NUDT3: variants seen among roughly 807,000 people sequenced by gnomAD.
NUDT3 encodes the protein diphosphoinositol polyphosphate phosphohydrolase 1.
A neutral mutation model predicts 23.6 loss-of-function variants in NUDT3; 9 were observed. The ratio of observed to expected loss-of-function variants is 0.38; its 90% CI spans 0.23 to 0.66. The LOEUF (loss-of-function observed/expected upper bound fraction) is 0.66, where lower values mean the gene tolerates loss of function less well. Among genes scored for constraint, NUDT3 ranks in the 30% least tolerant of loss-of-function variants. NUDT3 has a pLI of 0.52. For missense variants in NUDT3, 172 were observed against 218.5 expected (o/e 0.79, Z 1.34); for synonymous variants, 86 against 82.6 (o/e 1.04, Z -0.22).
chr6:34,385,222 C>A (rs1765085790), intron 1 of NUDT3, among the ~76,000 whole-genome samples: 1 of 151,694 alleles, frequency 6.6e-6, no homozygotes, highest in South Asian at 2.1e-4. Flanking sequence ...TTTGGGAGGC[C>A]AAGAAGGGAG....
At chr6:34,392,176 A>G (rs1765214829) in intron 1 of NUDT3, 88 bp downstream of exon 1, 9 of 1,010,006 alleles carry the variant, frequency 8.9e-6, no homozygotes, top group Non-Finnish European at 1.3e-5. Context: ...GCCCTGGCAC[A>G]CCCTCCTCCG....
At chr6:34,348,618 A>G (rs1764417989) in intron 1 of NUDT3, among the ~76,000 whole-genome samples, 1 of 152,000 alleles carries the variant, frequency 6.6e-6, no homozygotes, top group Admixed American at 6.6e-5. Flanking sequence ...TCTACTAAAA[A>G]TACAAAAATT....
chr6:34,346,471 T>A (rs1428372697), intron 1 of NUDT3, among the ~76,000 whole-genome samples: 1 of 152,306 alleles, frequency 6.6e-6, no homozygotes, highest in East Asian at 1.9e-4. Context: ...ACAGGAATAT[T>A]TCAAAGATAA....
chr6:34,292,522 A>G (rs1471291874), intron 4 of NUDT3, among the ~76,000 whole-genome samples: 3 of 152,204 alleles, frequency 2.0e-5, no homozygotes, highest in African/African-American at 7.2e-5. Context: ...CTTTGGGAGA[A>G]AGTTGGGTGT....
At chr6:34,289,197 C>G (rs1389651214) in intron 4 of NUDT3, among the ~76,000 whole-genome samples, 2 of 152,194 alleles carry the variant, frequency 1.3e-5, no homozygotes, top group Non-Finnish European at 2.9e-5. Flanking sequence ...TCCTCCTGCC[C>G]TCCTGCGTCT....
rs1291924487 is a variant in NUDT3, at chr6:34,380,115, C to T, written c.99+12149G>A. Among the ~76,000 whole-genome samples the T allele has an allele frequency of 3.9e-5, 6 of 151,978 alleles. No individual in the cohort carries two copies. The South Asian group carries it at 1.0e-3, about 26-fold the overall frequency. The stretch of plus-strand genomic sequence containing the variant: ...ATTTATTTTTTGAGACAAAGTTTCG[C>T]TCTTGTTGCCCAGACTGGAGTGCAA... On this transcript the variant is annotated intron_variant, in intron 1 of 4. Coordinates refer to ENST00000607016, the MANE Select transcript of NUDT3 (RefSeq NM_006703.4).
chr6:34,390,714 T>C (rs2113775381), intron 1 of NUDT3, among the ~76,000 whole-genome samples: 1 of 152,246 alleles, frequency 6.6e-6, no homozygotes, highest in African/African-American at 2.4e-5. Flanking sequence ...TAAATTATAC[T>C]TATAATTGGG....
At chr6:34,318,732 T>A (rs56139924) in intron 2 of NUDT3, among the ~76,000 whole-genome samples, 103 of 123,780 alleles carry the variant, frequency 8.3e-4, no homozygotes, top group African/African-American at 2.4e-3. Flanking sequence ...TTAAAAAAAA[T>A]TTTTTTTTTA....
At position 34,297,753 on chromosome 6, in the gene NUDT3, ATATATAATTT is replaced by A. The variant is rs1249925607; in HGVS notation, c.211-2078_211-2069del. ...AAAATATATATATATATATATATAT[ATATATAATTT>A]TTTTTTTTTTTTTAGTAGAGACGGG... On this transcript the variant is annotated intron_variant, in intron 2 of 4. Transcript: ENST00000607016. Among the ~76,000 whole-genome samples, 14 of 98,182 alleles carry A rather than the reference ATATATAATTT, an allele frequency of 1.4e-4. 1 individual carries two copies. Among genetic ancestry groups the A allele is most frequent in the African/African-American group, 6.3e-4 (13 of 20,664 alleles). The allele number at this position is 98,182 out of a possible 152,430, so 64.4% of individuals were successfully genotyped here. A position where few individuals can be genotyped will look rare whatever the true frequency, so the allele number is the denominator to read the frequency against.
rs58678278 is a variant in NUDT3 at position 34,321,336 on chromosome 6, G to A, written c.210+20526C>T. On this transcript the variant is annotated intron_variant, in intron 2 of 4. Coordinates refer to ENST00000607016, the MANE Select transcript of NUDT3 (RefSeq NM_006703.4). ...ACCTGTAATCCCAGCTACTCAAGAG[G>A]CTGAGACAGGAGAATCGCTTGAACC... Among the ~76,000 whole-genome samples the A allele has an allele frequency of 4.4e-3, 662 of 152,098 alleles. 4 individuals are homozygous for A. The highest frequency in any genetic ancestry group is 0.015 in the African/African-American group (625 of 41,474).
In NUDT3 at chr6:34,319,929, T is replaced by C. The variant is rs374232819; in HGVS notation, c.210+21933A>G. Among the ~76,000 whole-genome samples the C allele has an allele frequency of 9.2e-5, 14 of 152,264 alleles. No individual in the cohort carries two copies. In the East Asian group the frequency reaches 2.3e-3, roughly 25 times the overall value. ...CCTGAGGCCTAAAGTGCTCCAACAT[T>C]ATAACAAAAGACTGTTAACTCCAAA... On this transcript the variant is annotated intron_variant, in intron 2 of 4. Coordinates refer to ENST00000607016, the MANE Select transcript of NUDT3 (RefSeq NM_006703.4).
At chr6:34,349,958 C>T (rs1353392896) in intron 1 of NUDT3, among the ~76,000 whole-genome samples, 1 of 150,002 alleles carries the variant, frequency 6.7e-6, no homozygotes, top group Non-Finnish European at 1.5e-5. Context: ...GGCGTGGTAG[C>T]GGGTGCCTGT....
At chr6:34,320,022 C>T (rs950338960) in intron 2 of NUDT3, among the ~76,000 whole-genome samples, 1 of 152,160 alleles carries the variant, frequency 6.6e-6, no homozygotes, top group African/African-American at 2.4e-5. Flanking sequence ...AATATCACAA[C>T]AGTAAAGAGA....
At chr6:34,349,408 G>T (rs1266911512) in intron 1 of NUDT3, among the ~76,000 whole-genome samples, 2 of 141,092 alleles carry the variant, frequency 1.4e-5, no homozygotes, top group Non-Finnish European at 3.1e-5. Flanking sequence ...GCCTTCCAAG[G>T]AGAATATGGA....
In NUDT3 at chr6:34,309,072, C is replaced by G. The variant is rs181469882; in HGVS notation, c.211-13387G>C. Among the ~76,000 whole-genome samples, 292 of 152,222 alleles carry G rather than the reference C, an allele frequency of 1.9e-3. 1 individual carries two copies. The highest frequency in any genetic ancestry group is 4.0e-3 in the Admixed American group (61 of 15,280). ...CATTAAAATGTATGCTCTCAGACCA[C>G]AATGGAGTTAAGAAATCAATCAATT... On this transcript the variant is annotated intron_variant, in intron 2 of 4. Coordinates refer to ENST00000607016, the MANE Select transcript of NUDT3 (RefSeq NM_006703.4).
At chr6:34,387,673 TAAAAAAAAAAAAA>T (rs752125676) in intron 1 of NUDT3, among the ~76,000 whole-genome samples, 1 of 98,780 alleles carries the variant, frequency 1.0e-5, no homozygotes, top group African/African-American at 3.9e-5. Context: ...CATCTCTTTT[TAAAAAAAAAAAAA>T]AAAAAAAAAA....
At position 34,281,732 on chromosome 6, in the gene NUDT3, A is replaced by G. The variant is rs564667701; in HGVS notation, c.*7021T>C. On this transcript the variant is annotated 3_prime_UTR_variant, in exon 5 of 5. Transcript: ENST00000607016. ...CTATGTCCATTCACAGATGGAAATG[A>G]AAGAGTGAGATTCTCAGAGGCTAAA... 1.3e-5 allele frequency: 2 copies of G among 152,366 alleles called. No individual in the cohort carries two copies. Among genetic ancestry groups the G allele is most frequent in the Admixed American group, 1.3e-4 (2 of 15,308 alleles). 9.4% of individuals were successfully genotyped at this position (152,366 alleles called of 1,614,324 possible). A position where few individuals can be genotyped will look rare whatever the true frequency, so the allele number is the denominator to read the frequency against.
chr6:34,314,291 AC>A (rs1450662541), intron 2 of NUDT3, among the ~76,000 whole-genome samples: 1 of 147,032 alleles, frequency 6.8e-6, no homozygotes, highest in Non-Finnish European at 1.5e-5. Flanking sequence ...AGTGGCTCAC[AC>A]CTGTAATCCC....
chr6:34,325,326 A>G (rs2113721152), intron 2 of NUDT3, among the ~76,000 whole-genome samples: 1 of 152,188 alleles, frequency 6.6e-6, no homozygotes, highest in Admixed American at 6.5e-5. Flanking sequence ...CTCCCTCCTC[A>G]GCCTCCTGAG....
Sources: allele counts gnomAD v4.1 joint callset (sites outside exome capture counted in the v4.1 genomes callset), GRCh38; gene constraint gnomAD v4.1.1; transcripts MANE v1.5; gene names NCBI Gene and HGNC (gene_info 2026-07-23, HGNC 2026-07-21).